The following NID2 variants were observed in gnomAD, a reference collection of about 807,000 sequenced individuals.
NID2 encodes nidogen 2, also known as nidogen-2.
In NID2, 83 loss-of-function variants were observed where a neutral mutation model predicts 145.4. The ratio of observed to expected loss-of-function variants is 0.57; its 90% CI spans 0.48 to 0.69. NID2 has a LOEUF of 0.69. NID2 is among the 30% of genes least tolerant of loss of function. The pLI is 0.00. For synonymous variants in NID2, 739 were observed against 701.3 expected (o/e 1.05, Z -0.85); for missense variants, 1,807 against 1,765.7 (o/e 1.02, Z -0.42).
intron 14 of NID2, among the ~76,000 whole-genome samples, chr14:52,016,352 T>C (rs1891214375): frequency 6.6e-6 from 1 of 152,208 alleles, no homozygotes; most frequent in African/African-American, 2.4e-5. Flanking sequence ...TAACCCTACT[T>C]GCTACCACCA....
At chr14:52,039,741 GAACAC>G (rs1229189464) in intron 8 of NID2, among the ~76,000 whole-genome samples, 1 of 152,186 alleles carries the variant, frequency 6.6e-6, no homozygotes, top group African/African-American at 2.4e-5. Flanking sequence ...TACTTTCACA[GAACAC>G]ATCACGCTTC....
intron 9 of NID2, among the ~76,000 whole-genome samples, chr14:52,034,203 G>A (rs1161163234): frequency 6.6e-6 from 1 of 152,138 alleles, no homozygotes; most frequent in African/African-American, 2.4e-5. Flanking sequence ...TGCTTTCTCT[G>A]ATCCTTTCTT....
At chr14:52,065,482 TTTTATTTATTTATTTA>T (rs60264924) in intron 2 of NID2, among the ~76,000 whole-genome samples, 2 of 132,982 alleles carry the variant, frequency 1.5e-5, no homozygotes, top group African/African-American at 3.0e-5. Context: ...CCCCTTTCTT[TTTTATTTATTTATTTA>T]TTTATTTATT....
intron 8 of NID2, among the ~76,000 whole-genome samples, chr14:52,040,054 C>T (rs1175139840): frequency 6.6e-6 from 1 of 152,218 alleles, no homozygotes; most frequent in Non-Finnish European, 1.5e-5. Flanking sequence ...GATTCTCCTG[C>T]CTCAGCCTCC....
chr14:52,020,291 G>C, intron 12 of NID2, 113 bp from the exon 13 acceptor site: 1 of 1,511,496 alleles, frequency 6.6e-7, no homozygotes. Flanking sequence ...TGAGGTGTCA[G>C]CTTCAGAAGA....
intron 8 of NID2, among the ~76,000 whole-genome samples, chr14:52,039,662 C>T (rs938835547): frequency 2.0e-5 from 3 of 152,208 alleles, no homozygotes; most frequent in Non-Finnish European, 4.4e-5. Flanking sequence ...AGGAAAGGCA[C>T]AACTCAATCC....
intron 2 of NID2, among the ~76,000 whole-genome samples, chr14:52,066,976 G>A (rs1427161166): frequency 2.0e-5 from 3 of 152,084 alleles, no homozygotes; most frequent in East Asian, 1.9e-4. Context: ...GCACATTGAC[G>A]GCAGACTCCT....
At chr14:52,020,478 G>A (rs1485526847) in intron 12 of NID2, among the ~76,000 whole-genome samples, 1 of 152,234 alleles carries the variant, frequency 6.6e-6, no homozygotes, top group Non-Finnish European at 1.5e-5. Context: ...TTCATTGACA[G>A]TGAATTCAAG....
chr14:52,055,851 A>G (rs1006392346), intron 3 of NID2, among the ~76,000 whole-genome samples: 1 of 152,134 alleles, frequency 6.6e-6, no homozygotes, highest in African/African-American at 2.4e-5. Flanking sequence ...ATTTTCCTTC[A>G]TTTGGGTGGG....
At chr14:52,057,690 C>T (rs575529737) in intron 3 of NID2, among the ~76,000 whole-genome samples, 8 of 105,920 alleles carry the variant, frequency 7.6e-5, no homozygotes, top group Admixed American at 1.5e-4. Flanking sequence ...GCGACAAGAG[C>T]GAACCTCCGT....
chr14:52,039,943 T>C (rs905356200), intron 8 of NID2, among the ~76,000 whole-genome samples: 1 of 152,164 alleles, frequency 6.6e-6, no homozygotes, highest in African/African-American at 2.4e-5. Flanking sequence ...TCTCTGTGTT[T>C]TTTGGTTTTG....
intron 3 of NID2, among the ~76,000 whole-genome samples, chr14:52,054,800 A>C (rs1371789404): frequency 6.6e-6 from 1 of 152,238 alleles, no homozygotes; most frequent in African/African-American, 2.4e-5. Flanking sequence ...ATGGTAACTA[A>C]AGGGATCATA....
rs1566737130 is a variant in NID2, at chr14:52,005,816, G to A, written c.4038C>T (p.Gly1346=). 1 of 1,613,504 alleles carries A rather than the reference G, an allele frequency of 6.2e-7. No individual in the cohort carries two copies. ...CTGGGAGATACTCATCAGTAAACTG[G>A]CCACTATGTTTATTTACTGATACAA... ...DGVVSVNKHS[G]QFTDEYLPEQ... is the part of the protein sequence containing the mutation. The change falls in exon 21 of 22, where the codon GGC becomes GGT. Residue 1346 remains glycine, a synonymous_variant. Transcript: ENST00000216286.
chr14:52,006,452 C>A (rs934321281), intron 20 of NID2, 85 bp downstream of exon 20: 4 of 1,525,728 alleles, frequency 2.6e-6, no homozygotes, highest in East Asian at 2.3e-5. Context: ...TGAGTCAAGT[C>A]AGGTACTGAC....
At chr14:52,017,608 T>C (rs1891259152) in intron 14 of NID2, among the ~76,000 whole-genome samples, 1 of 151,910 alleles carries the variant, frequency 6.6e-6, no homozygotes, top group African/African-American at 2.4e-5. Context: ...TCTGAACCAT[T>C]CCCCAAAGGC....
At position 52,027,276 on chromosome 14, in the gene NID2, A is replaced by C. The variant is rs770453559; in HGVS notation, c.2599T>G (p.Cys867Gly). 1.3e-6 allele frequency: 2 copies of C among 1,598,220 alleles called. No individual in the cohort carries two copies. Residue 867 changes from cysteine (C) to glycine (G), a missense_variant, in exon 12 of 22, where the codon TGT (cysteine) becomes GGT (glycine). Transcript: ENST00000216286. ...HTCAPAGQARCVHHGGSTFSC... is the reference protein window; with the variant it reads ...HTCAPAGQARGVHHGGSTFSC... ...AACGTGCTGCCTCCATGGTGAACAC[A>C]CCGGGCCTGCCCAGCAGGAGCACAG...
At position 52,017,825 on chromosome 14, in the gene NID2, T is replaced by A. The variant is rs559258164; in HGVS notation, c.3028+1236A>T. ...GAACCGCCAAGACCTGACCTTTTTT[T>A]AAAAAAACAAAAAAAACAGAGTCTC... On this transcript the variant is annotated intron_variant, in intron 14 of 21. Coordinates refer to ENST00000216286, the MANE Select transcript of NID2 (RefSeq NM_007361.4). Among the ~76,000 whole-genome samples, 25 of 149,842 alleles carry A rather than the reference T, an allele frequency of 1.7e-4. No homozygotes were observed. The South Asian group carries it at 3.8e-3, about 23-fold the overall frequency.
chr14:52,062,897 G>A (rs1314203531), intron 2 of NID2, among the ~76,000 whole-genome samples: 1 of 152,142 alleles, frequency 6.6e-6, no homozygotes, highest in Non-Finnish European at 1.5e-5. Context: ...TTCTTGAGAT[G>A]AGCACTCATT....
In NID2 at chr14:52,027,197, TCACCAGTG is replaced by T; in HGVS notation, c.2670_2674+3del. 1.3e-6 allele frequency: 2 copies of T among 1,492,962 alleles called. No homozygotes were observed. The highest frequency in any genetic ancestry group is 2.7e-5 in the South Asian group (2 of 74,292). 92.5% of individuals were successfully genotyped at this position (1,492,962 alleles called of 1,614,324 possible). On this transcript the variant is annotated splice_donor_variant and splice_donor_region_variant and coding_sequence_variant and intron_variant, in exon 12 of 22. Coordinates refer to ENST00000216286, the MANE Select transcript of NID2 (RefSeq NM_007361.4). LOFTEE classifies it high-confidence loss of function. Reference sequence around the variant, plus strand: ...GTCATTGAGGCTGACCTGCAGTTACTCACCAGTGCACTGGTGCCCATCGCCGGCATAAC... The same window carrying T: ...GTCATTGAGGCTGACCTGCAGTTACTCACTGGTGCCCATCGCCGGCATAAC...
Sources: allele counts gnomAD v4.1 joint callset (sites outside exome capture counted in the v4.1 genomes callset), GRCh38; gene constraint gnomAD v4.1.1; transcripts MANE v1.5; gene names NCBI Gene and HGNC (gene_info 2026-07-23, HGNC 2026-07-21).